The following SEMA4D variants were observed in gnomAD, a reference collection of about 807,000 sequenced individuals.
SEMA4D encodes semaphorin 4D, also known as semaphorin-4D.
In SEMA4D, 22 loss-of-function variants were observed where a neutral mutation model predicts 74.8. That is an observed-to-expected ratio of 0.29 (90% CI 0.21 to 0.42). The LOEUF is 0.42. Among genes scored for constraint, SEMA4D ranks in the 10% least tolerant of loss-of-function variants. SEMA4D has a pLI of 1.00. For synonymous variants in SEMA4D, 445 were observed against 463.7 expected (o/e 0.96, Z 0.52); for missense variants, 937 against 1,118.4 (o/e 0.84, Z 2.31).
At chr9:89,376,935 G>T, downstream of SEMA4D, 1 of 1,550,818 alleles carries the variant, frequency 6.4e-7, no homozygotes, top group African/African-American at 1.4e-5. Flanking sequence ...CTGCTGTCGG[G>T]CCCCGCACCC....
At chr9:89,370,194 GGT>G (rs1441697741) in intron 16 of SEMA4D, among the ~76,000 whole-genome samples, 1 of 151,586 alleles carries the variant, frequency 6.6e-6, no homozygotes, top group Admixed American at 6.6e-5. Flanking sequence ...ATGTGTGTGT[GGT>G]GTGTGTGATT....
chr9:89,435,814 T>C (rs1378991271), intron 2 of SEMA4D, among the ~76,000 whole-genome samples: 1 of 152,200 alleles, frequency 6.6e-6, no homozygotes, highest in Non-Finnish European at 1.5e-5. Context: ...GTCCGGCCTT[T>C]CCTTACAAAG....
At chr9:89,384,622 G>C in intron 13 of SEMA4D, 1 of 977,336 alleles carries the variant, frequency 1.0e-6, no homozygotes, top group Middle Eastern at 5.3e-4. Context: ...ATGAAAAATG[G>C]TTAAGACGGC....
chr9:89,495,693 T>C (rs560620083), intron 1 of SEMA4D, among the ~76,000 whole-genome samples: 33 of 152,292 alleles, frequency 2.2e-4, no homozygotes, highest in African/African-American at 7.9e-4. Context: ...CGTTTATTTC[T>C]ATATTTTCAC....
At chr9:89,439,125 G>A (rs1851153788) in intron 2 of SEMA4D, among the ~76,000 whole-genome samples, 1 of 151,624 alleles carries the variant, frequency 6.6e-6, no homozygotes, top group Non-Finnish European at 1.5e-5. Context: ...GGGATTACAG[G>A]CACCCACCAC....
intron 1 of SEMA4D, among the ~76,000 whole-genome samples, chr9:89,482,385 C>T (rs780755623): frequency 3.9e-5 from 6 of 152,240 alleles, no homozygotes; most frequent in Non-Finnish European, 8.8e-5. Context: ...GCACGGGCCA[C>T]ACTCGTTACG....
chr9:89,496,488 C>G (rs933758533), intron 1 of SEMA4D, among the ~76,000 whole-genome samples: 1 of 152,198 alleles, frequency 6.6e-6, no homozygotes, highest in African/African-American at 2.4e-5. Context: ...CACGTACACT[C>G]TTCTCAGTCT....
rs144351511 is a variant in SEMA4D, at chr9:89,394,043, C to T, written c.415-388G>A. Among the ~76,000 whole-genome samples, 19 of 152,330 alleles carry T rather than the reference C, an allele frequency of 1.2e-4. No homozygotes were observed. The East Asian group carries it at 1.5e-3, about 12-fold the overall frequency. On this transcript the variant is annotated intron_variant, in intron 6 of 15. Coordinates refer to ENST00000422704, the MANE Select transcript of SEMA4D (RefSeq NM_001371194.2). ...AGCAGAATTTTAACATCAATAAAGA[C>T]GGCATTCTAAGCAGCTAGGTGACCC...
intron 3 of SEMA4D, 79 bp from the exon 4 acceptor site, chr9:89,403,095 G>C: frequency 6.6e-7 from 1 of 1,509,950 alleles, no homozygotes; most frequent in African/African-American, 1.4e-5. Flanking sequence ...GCACATCCTA[G>C]GTCCCTGTCT....
intron 8 of SEMA4D, 116 bp downstream of exon 8, chr9:89,392,305 CAG>C (rs1840034809): frequency 2.8e-6 from 2 of 707,426 alleles, no homozygotes; most frequent in South Asian, 1.8e-5. Flanking sequence ...CCCCCACAAA[CAG>C]GGGCTAACAC....
At position 89,386,411 on chromosome 9, in the gene SEMA4D, G is replaced by A; in HGVS notation, c.1402C>T (p.Gln468Ter). The change falls in exon 13 of 16, where the codon CAG (glutamine) becomes TAG (stop). Residue 468 changes from glutamine (Q) to a stop codon, truncating the protein, a stop_gained. Transcript: ENST00000422704. LOFTEE classifies it high-confidence loss of function. ...VHIIEETQLF[Q>*]DFEPVQTLLL... ...AGGGTCTGGACTGGCTCAAAGTCCT[G>A]GAAGAGCTGGGTCTCCTCGATGATG... is the stretch of plus-strand genomic sequence containing the variant. 6.2e-7 allele frequency: 1 copy of A among 1,614,068 alleles called. No homozygotes were observed. Among genetic ancestry groups the A allele is most frequent in the Non-Finnish European group, 8.5e-7 (1 of 1,179,958 alleles).
chr9:89,458,249 T>C (rs1184423152), intron 1 of SEMA4D, among the ~76,000 whole-genome samples: 1 of 152,174 alleles, frequency 6.6e-6, no homozygotes, highest in Non-Finnish European at 1.5e-5. Context: ...TTTTTCGTGC[T>C]GTGGAGTGGC....
chr9:89,443,691 G>C (rs1430839109), intron 2 of SEMA4D, among the ~76,000 whole-genome samples: 1 of 152,230 alleles, frequency 6.6e-6, no homozygotes, highest in African/African-American at 2.4e-5. Context: ...CTGGCTGTGA[G>C]TCCTGTATGG....
At chr9:89,404,563 C>T (rs990428970) in intron 3 of SEMA4D, among the ~76,000 whole-genome samples, 7 of 134,486 alleles carry the variant, frequency 5.2e-5, no homozygotes, top group Non-Finnish European at 8.8e-5. Context: ...CAGCCACCCG[C>T]CTCAGCATCC....
intron 2 of SEMA4D, chr9:89,450,416 G>A (rs1457912778): frequency 7.6e-6 from 10 of 1,311,426 alleles, no homozygotes; most frequent in African/African-American, 1.4e-5. Flanking sequence ...GTGAAGATGA[G>A]AAGAAGGCTT....
chr9:89,382,682 G>A (rs1295794121), intron 13 of SEMA4D, among the ~76,000 whole-genome samples: 2 of 152,234 alleles, frequency 1.3e-5, no homozygotes, highest in East Asian at 1.9e-4. Flanking sequence ...TTCGGGCATC[G>A]CGCGGCTTGT....
chr9:89,475,836 C>T (rs1766927925), intron 1 of SEMA4D, among the ~76,000 whole-genome samples: 1 of 151,868 alleles, frequency 6.6e-6, no homozygotes, highest in African/African-American at 2.4e-5. Flanking sequence ...TATTTTTTTT[C>T]CCAGAAAAAG....
At chr9:89,462,566 T>C (rs1433082427) in intron 1 of SEMA4D, among the ~76,000 whole-genome samples, 5 of 152,218 alleles carry the variant, frequency 3.3e-5, no homozygotes, top group African/African-American at 9.6e-5. Context: ...GATGGAATGT[T>C]TTCAATTTGA....
intron 3 of SEMA4D, among the ~76,000 whole-genome samples, chr9:89,403,371 C>G (rs933232731): frequency 6.6e-6 from 1 of 152,180 alleles, no homozygotes; most frequent in Non-Finnish European, 1.5e-5. Flanking sequence ...TGTGATGGCT[C>G]CCACCCTCTG....
Sources: allele counts gnomAD v4.1 joint callset (sites outside exome capture counted in the v4.1 genomes callset), GRCh38; gene constraint gnomAD v4.1.1; transcripts MANE v1.5; gene names NCBI Gene and HGNC (gene_info 2026-07-23, HGNC 2026-07-21).